Variants in CEP104 observed in about 807,000 individuals in gnomAD.
CEP104 encodes centrosomal protein of 104 kDa.
CEP104 carries 84 observed loss-of-function variants against 113.3 expected under a neutral mutation model. The observed-to-expected ratio is 0.74, with a 90% confidence interval of 0.62 to 0.89. The LOEUF (loss-of-function observed/expected upper bound fraction) is 0.89, where lower values mean the gene tolerates loss of function less well. Ranked by LOEUF, CEP104 falls within the 40% of genes least tolerant of loss-of-function variation. The pLI is 0.00. For missense variants in CEP104, 1,053 were observed against 1,156.6 expected (o/e 0.91, Z 1.30); for synonymous variants, 378 against 421.7 (o/e 0.90, Z 1.27).
At chr1:3,837,252 C>A in intron 9 of CEP104, 40 bp downstream of exon 9, 1 of 1,523,060 alleles carries the variant, frequency 6.6e-7, no homozygotes, top group South Asian at 1.2e-5. Context: ...TTACAAATAC[C>A]CAAATAAATT....
At chr1:3,829,402 A>T in intron 14 of CEP104, 29 bp from the exon 15 acceptor site, 1 of 1,551,846 alleles carries the variant, frequency 6.4e-7, no homozygotes, top group Non-Finnish European at 8.8e-7. Flanking sequence ...TTCCATTAGA[A>T]CAGCTTGTTA....
chr1:3,830,075 T>C (rs1306210799), intron 13 of CEP104, 78 bp from the exon 14 acceptor site: 12 of 1,029,314 alleles, frequency 1.2e-5, no homozygotes, highest in South Asian at 4.1e-5. Context: ...AGGTACATTA[T>C]AAACATGTGA....
At chr1:3,827,487 T>C (rs548139032) in intron 15 of CEP104, among the ~76,000 whole-genome samples, 4 of 152,162 alleles carry the variant, frequency 2.6e-5, no homozygotes, top group Non-Finnish European at 4.4e-5. Flanking sequence ...CCCAAAGTGC[T>C]GCAATTACAG....
Position 3,814,711 on chromosome 1 carries a change from C to T in CEP104, c.*691G>A, listed in dbSNP as rs532394000. The T allele has an allele frequency of 6.6e-5, 10 of 152,396 alleles. No individual in the cohort carries two copies. In the East Asian group the frequency reaches 1.9e-3, roughly 29 times the overall value. 9.4% of individuals were successfully genotyped at this position (152,396 alleles called of 1,614,324 possible). ...GCTGATGCCTGTCACAGGGGCAGCA[C>T]TACTGGAGAAGCATCCAGCAAGGTG... On this transcript the variant is annotated 3_prime_UTR_variant, in exon 22 of 22. Transcript: ENST00000378230.
rs751287334 is a variant in CEP104, at chr1:3,839,109, C to T, written c.746G>A (p.Arg249His). The change falls in exon 8 of 22, where the codon CGC (arginine) becomes CAC (histidine). Residue 249 changes from arginine to histidine, a missense_variant. Transcript: ENST00000378230. The stretch of plus-strand genomic sequence containing the variant: ...TTTCTCTACCTCATACCTCCCAAGG[C>T]GTTCACCAACCTGAAGCACAAAATA... ...AIADLQKVGE[R>H]LGRYEVEKRC... 12 of 1,613,804 alleles carry T rather than the reference C, an allele frequency of 7.4e-6. No individual in the cohort carries two copies. Among genetic ancestry groups the T allele is most frequent in the East Asian group, 2.2e-5 (1 of 44,886 alleles).
At chr1:3,831,396 G>A (rs918147498) in intron 12 of CEP104, among the ~76,000 whole-genome samples, 174 bp from the exon 13 acceptor site, 13 of 152,272 alleles carry the variant, frequency 8.5e-5, no homozygotes, top group South Asian at 2.1e-4. Flanking sequence ...TATTTAAAGC[G>A]TAACAACCAT....
intron 9 of CEP104, 141 bp downstream of exon 9, chr1:3,837,151 A>G (rs1315619409): frequency 3.0e-6 from 2 of 658,374 alleles, no homozygotes; most frequent in Admixed American, 2.6e-5. Flanking sequence ...ACTCAGCACT[A>G]TGGCTCCTAG....
chr1:3,823,444 AT>A lies in CEP104; in HGVS notation c.2482del (p.Ile828Ter). The A allele has an allele frequency of 6.2e-7, 1 of 1,614,206 alleles. No homozygotes were observed. Among genetic ancestry groups the A allele is most frequent in the Non-Finnish European group, 8.5e-7 (1 of 1,180,034 alleles). ...CTCACGGTTGCAATCCTTGTGTTTT[AT>A]GTGTCTGGGCAGCTCTTCCTTGAAA... ...AVFKEELPRH[I>X]KHKDCNPAKP... On this transcript the variant is annotated frameshift_variant, in exon 19 of 22. Transcript: ENST00000378230. LOFTEE classifies it high-confidence loss of function. This position sits in a 1 kb window ranked among gnomAD's most constrained non-coding sequence, Gnocchi z 4.1.
chr1:3,836,424 A>C (rs1644311945), intron 10 of CEP104, 71 bp downstream of exon 10: 1 of 1,488,130 alleles, frequency 6.7e-7, no homozygotes, highest in Non-Finnish European at 9.0e-7. Flanking sequence ...GTAAGTACAC[A>C]GAGGTGTGCG....
In CEP104 at chr1:3,829,940, T is replaced by C. The variant is rs142914294; in HGVS notation, c.1894A>G (p.Ile632Val). 1.7e-5 allele frequency: 27 copies of C among 1,614,058 alleles called. No individual in the cohort carries two copies. In the African/African-American group the frequency reaches 2.5e-4, roughly 15 times the overall value. The change falls in exon 14 of 22, where the codon ATT becomes GTT. Residue 632 changes from isoleucine (I) to valine (V), a missense_variant. By Grantham distance (29) the Ile-to-Val change is conservative. Transcript: ENST00000378230. ...TGCTGTCTGTACATGTCCAAAATAA[T>C]TCGAACCGCCGTCTCGCGGACCTCA... ...VYEVRETAVR[I>V]ILDMYRQHQA...
intron 20 of CEP104, among the ~76,000 whole-genome samples, chr1:3,817,236 G>A (rs1252032173): frequency 3.3e-5 from 5 of 152,184 alleles, no homozygotes; most frequent in Non-Finnish European, 7.3e-5. Flanking sequence ...CAGCTACTCA[G>A]GAGGCTGAGG....
At chr1:3,849,198 T>C (rs962156961) in intron 2 of CEP104, among the ~76,000 whole-genome samples, 1 of 151,564 alleles carries the variant, frequency 6.6e-6, no homozygotes, top group Non-Finnish European at 1.5e-5. Context: ...CTTTCACGCA[T>C]AGTGGTCTAG....
chr1:3,839,459 T>C, intron 7 of CEP104, 149 bp downstream of exon 7: 2 of 738,810 alleles, frequency 2.7e-6, no homozygotes, highest in Non-Finnish European at 4.4e-6. Flanking sequence ...TGCTTATCTG[T>C]CTCCGTAACT....
chr1:3,835,325 T>A (rs1463824378), intron 10 of CEP104, among the ~76,000 whole-genome samples: 2 of 152,236 alleles, frequency 1.3e-5, no homozygotes, highest in African/African-American at 4.8e-5. Flanking sequence ...ATAAAAAGTA[T>A]TAAATTCTCC....
Position 3,831,145 on chromosome 1 carries a change from A to G in CEP104, c.1737T>C (p.Ser579=). The G allele has an allele frequency of 6.2e-7, 1 of 1,614,262 alleles. No individual in the cohort carries two copies. Among genetic ancestry groups the G allele is most frequent in the Non-Finnish European group, 8.5e-7 (1 of 1,180,036 alleles). The change falls in exon 13 of 22, where the codon TCT becomes TCC. Residue 579 remains serine (S), a synonymous_variant. Transcript: ENST00000378230. The part of the protein sequence containing the change: ...SYLVQPLKAN[S]SVHLAMSQMG... ...TCTGACTCATTGCCAGGTGAACTGA[A>G]GAGTTTGCTTTCAATGGCTGCACCA...
intron 12 of CEP104, among the ~76,000 whole-genome samples, chr1:3,832,617 A>G (rs1009041449): frequency 5.3e-5 from 8 of 151,790 alleles, no homozygotes; most frequent in African/African-American, 1.9e-4. Context: ...TTCCTTATTT[A>G]CTCTGAAAAT....
At chr1:3,829,678 G>C in intron 14 of CEP104, 113 bp downstream of exon 14, 1 of 1,142,658 alleles carries the variant, frequency 8.8e-7, no homozygotes, top group Admixed American at 1.8e-5. Context: ...GGACGCCGGG[G>C]CTTCCCATAC....
At chr1:3,836,304 CAAAAAAA>C (rs34181241) in intron 10 of CEP104, among the ~76,000 whole-genome samples, 184 bp downstream of exon 10, 2 of 115,104 alleles carry the variant, frequency 1.7e-5, no homozygotes, top group African/African-American at 6.8e-5. Flanking sequence ...GACTCCGTCT[CAAAAAAA>C]AAAAAAAAAA....
intron 6 of CEP104, among the ~76,000 whole-genome samples, chr1:3,843,845 T>G (rs1406752232): frequency 6.6e-6 from 1 of 151,922 alleles, no homozygotes; most frequent in Non-Finnish European, 1.5e-5. Context: ...CACCACAACC[T>G]TCACCTCCCG....
Sources: gnomAD v4.1 joint callset for allele counts (sites outside exome capture counted in the v4.1 genomes callset) on GRCh38, gnomAD v4.1.1 for gene constraint, Gnocchi (gnomAD v3.1) non-coding constraint, MANE v1.5 for transcripts, NCBI Gene and HGNC (gene_info 2026-07-23, HGNC 2026-07-21) for gene names.